The following MGMT variants were observed in gnomAD, a reference collection of about 807,000 sequenced individuals.
MGMT encodes O-6-methylguanine-DNA methyltransferase.
MGMT carries 14 observed loss-of-function variants against 15.9 expected under a neutral mutation model. That is an observed-to-expected ratio of 0.88 (90% CI 0.58 to 1.37). The LOEUF (loss-of-function observed/expected upper bound fraction) is 1.37, where lower values mean the gene tolerates loss of function less well. Ranked by LOEUF, MGMT falls within the 40% of genes most tolerant of loss-of-function variation. The pLI is 0.00. For synonymous variants in MGMT, 130 were observed against 118.2 expected (o/e 1.10, Z -0.65); for missense variants, 282 against 268.1 (o/e 1.05, Z -0.36).
At chr10:129,688,348 A>C (rs998071108) in intron 2 of MGMT, among the ~76,000 whole-genome samples, 2 of 152,118 alleles carry the variant, frequency 1.3e-5, no homozygotes, top group African/African-American at 4.8e-5. Context: ...CCTCTCCAGC[A>C]CCTGTTGTTT....
intron 1 of MGMT, 83 bp downstream of exon 1, chr10:129,467,379 G>T: frequency 7.2e-7 from 1 of 1,396,578 alleles, no homozygotes. Flanking sequence ...TCCTGCAGGC[G>T]CCCTCACTTC....
At chr10:129,737,373 C>T (rs1345893215) in intron 3 of MGMT, among the ~76,000 whole-genome samples, 3 of 151,990 alleles carry the variant, frequency 2.0e-5, no homozygotes, top group Non-Finnish European at 4.4e-5. Flanking sequence ...GCATTCTTCA[C>T]GTAGTTCTCG....
intron 2 of MGMT, among the ~76,000 whole-genome samples, chr10:129,695,038 G>A (rs1187085072): frequency 2.6e-5 from 4 of 152,132 alleles, no homozygotes; most frequent in Non-Finnish European, 5.9e-5. Flanking sequence ...GCCAGAAAGC[G>A]TGTTTTAAGA....
At chr10:129,739,056 T>C (rs7922452) in intron 3 of MGMT, among the ~76,000 whole-genome samples, 85,590 of 152,064 alleles carry the variant, frequency 0.56, 24,261 homozygotes, top group Middle Eastern at 0.72. Context: ...ACAAAAACCA[T>C]ATGATTATCT....
chr10:129,710,430 G>A (rs994889234), intron 3 of MGMT, among the ~76,000 whole-genome samples: 2 of 152,230 alleles, frequency 1.3e-5, no homozygotes, highest in Non-Finnish European at 2.9e-5. Flanking sequence ...AGGGGCTGGA[G>A]TCCCCTGGGC....
intron 2 of MGMT, among the ~76,000 whole-genome samples, chr10:129,655,903 C>A (rs927488091): frequency 6.6e-6 from 1 of 152,172 alleles, no homozygotes; most frequent in Non-Finnish European, 1.5e-5. Flanking sequence ...ACTGAAAGAA[C>A]GTGGATGAGA....
chr10:129,716,426 C>T (rs1589954544), intron 3 of MGMT, among the ~76,000 whole-genome samples: 1 of 152,282 alleles, frequency 6.6e-6, no homozygotes, highest in Non-Finnish European at 1.5e-5. Flanking sequence ...TGTGTGCCCA[C>T]ACTGTCTGCT....
intron 2 of MGMT, among the ~76,000 whole-genome samples, chr10:129,665,001 C>T (rs1449692603): frequency 6.6e-6 from 1 of 152,176 alleles, no homozygotes; most frequent in African/African-American, 2.4e-5. Context: ...TGCTGAATTA[C>T]AGCCACCAGG....
At chr10:129,687,049 T>C (rs971996950) in intron 2 of MGMT, among the ~76,000 whole-genome samples, 1 of 152,206 alleles carries the variant, frequency 6.6e-6, no homozygotes, top group African/African-American at 2.4e-5. Flanking sequence ...GCACTCACCC[T>C]CCCATCTCCT....
intron 3 of MGMT, among the ~76,000 whole-genome samples, chr10:129,745,142 A>G (rs4751118): frequency 0.63 from 96,407 of 152,050 alleles, 31,505 homozygotes; most frequent in African/African-American, 0.79. Context: ...TAAATAGGAA[A>G]TACTGGTCCC....
chr10:129,765,004 C>T (rs892820202), intron 4 of MGMT, among the ~76,000 whole-genome samples: 2 of 152,100 alleles, frequency 1.3e-5, no homozygotes, highest in Non-Finnish European at 2.9e-5. Context: ...AGCTGAGAAC[C>T]TTCCAGAGCG....
At chr10:129,506,013 T>C (rs1246803431) in intron 1 of MGMT, among the ~76,000 whole-genome samples, 1 of 151,648 alleles carries the variant, frequency 6.6e-6, no homozygotes, top group Non-Finnish European at 1.5e-5. Flanking sequence ...GCTATTTTTT[T>C]TTTTTTTTTT....
intron 3 of MGMT, among the ~76,000 whole-genome samples, chr10:129,708,384 C>T (rs759416555): frequency 2.6e-5 from 4 of 152,222 alleles, no homozygotes; most frequent in Non-Finnish European, 5.9e-5. Context: ...CAACTATCTG[C>T]TTGCCAACAG....
intron 1 of MGMT, among the ~76,000 whole-genome samples, chr10:129,495,249 CTT>C (rs2119664656): frequency 6.6e-6 from 1 of 152,326 alleles, no homozygotes; most frequent in Non-Finnish European, 1.5e-5. Context: ...TTACAGAACT[CTT>C]GATCCTCTGG....
At chr10:129,607,613 C>T (rs1380892276) in intron 2 of MGMT, among the ~76,000 whole-genome samples, 1 of 152,140 alleles carries the variant, frequency 6.6e-6, no homozygotes, top group African/African-American at 2.4e-5. Context: ...ACTGAACACC[C>T]TTTTTATATA....
At chr10:129,739,025 A>G (rs985778141) in intron 3 of MGMT, among the ~76,000 whole-genome samples, 3 of 152,256 alleles carry the variant, frequency 2.0e-5, no homozygotes, top group African/African-American at 7.2e-5. Flanking sequence ...AACATGTTCC[A>G]TCACGTAAAC....
At chr10:129,608,313 A>C (rs552478598) in intron 2 of MGMT, among the ~76,000 whole-genome samples, 122 of 152,362 alleles carry the variant, frequency 8.0e-4, no homozygotes, top group African/African-American at 2.9e-3. Flanking sequence ...TGCTGAAGTT[A>C]GTCATCGAGT....
chr10:129,700,322 A>G (rs1314428112), intron 2 of MGMT: 1 of 152,222 alleles, frequency 6.6e-6, no homozygotes, highest in East Asian at 1.9e-4. Context: ...TCAGTTTCCT[A>G]AAAGAACTAT....
intron 2 of MGMT, among the ~76,000 whole-genome samples, chr10:129,648,442 T>C (rs1325426383): frequency 6.6e-6 from 1 of 152,148 alleles, no homozygotes; most frequent in Non-Finnish European, 1.5e-5. Flanking sequence ...CATTTCAAAT[T>C]TTTATGTTGA....
Sources: allele counts gnomAD v4.1 joint callset (sites outside exome capture counted in the v4.1 genomes callset), GRCh38; gene constraint gnomAD v4.1.1; transcripts MANE v1.5; gene names NCBI Gene and HGNC (gene_info 2026-07-23, HGNC 2026-07-21).